Variants in FBXO10 observed in about 807,000 individuals in gnomAD.
FBXO10 encodes the protein F-box protein 10.
Under a neutral mutation model 80.7 loss-of-function variants are expected in FBXO10, and 39 were observed. That is an observed-to-expected ratio of 0.48 (90% CI 0.37 to 0.63). The LOEUF is 0.63. FBXO10 is among the 30% of genes least tolerant of loss of function. The pLI is 0.00. For synonymous variants in FBXO10, 449 were observed against 489.6 expected (o/e 0.92, Z 1.09); for missense variants, 1,025 against 1,269.0 (o/e 0.81, Z 2.92).
intron 1 of FBXO10, among the ~76,000 whole-genome samples, chr9:37,561,804 G>GTT (rs1413356437): frequency 6.6e-6 from 1 of 152,204 alleles, no homozygotes; most frequent in Non-Finnish European, 1.5e-5. Flanking sequence ...AATAAAGCAG[G>GTT]TTAAGGGGTA....
chr9:37,553,936 A>AAAAAAAAAG (rs1554648219), intron 1 of FBXO10, among the ~76,000 whole-genome samples: 2 of 148,966 alleles, frequency 1.3e-5, no homozygotes, highest in African/African-American at 5.1e-5. Context: ...AAAAAAAAAA[A>AAAAAAAAAG]AAAGAAAGAA....
intron 8 of FBXO10, among the ~76,000 whole-genome samples, 175 bp downstream of exon 8, chr9:37,521,394 C>G (rs908820262): frequency 6.6e-6 from 1 of 150,950 alleles, no homozygotes; most frequent in African/African-American, 2.4e-5. Context: ...TGCAACCCTC[C>G]AAGTGTGAAG....
intron 8 of FBXO10, among the ~76,000 whole-genome samples, chr9:37,519,829 T>C (rs1247204535): frequency 6.6e-6 from 1 of 152,098 alleles, no homozygotes; most frequent in Admixed American, 6.5e-5. Flanking sequence ...AATTTTATTT[T>C]GTTTTAGAGA....
rs548906150 is a variant in FBXO10 at position 37,522,933 on chromosome 9, G to A, written c.1822C>T (p.Arg608Cys). 16 of 1,590,332 alleles carry A rather than the reference G, an allele frequency of 1.0e-5. No individual in the cohort carries two copies. In the South Asian group the frequency reaches 1.0e-4, roughly 10 times the overall value. ...ENQWGGVDIR[R>C]GGIPVLRSNL... ...CTCCTGAGAACGGGGATCCCTCCACGGCGGATGTCCACACCTCCCCACTGA... is the reference window on the plus strand; with the variant it reads ...CTCCTGAGAACGGGGATCCCTCCACAGCGGATGTCCACACCTCCCCACTGA... Residue 608 changes from arginine (R) to cysteine (C), a missense_variant, in exon 7 of 11, where the codon CGT (arginine) becomes TGT (cysteine). Physicochemically the swap from Arg to Cys is radical, Grantham distance 180 (BLOSUM62 -3). Around this residue, in one of 3 missense-constraint regions of FBXO10, gnomAD observed 478 missense variants for 667.8 expected, o/e 0.72. Transcript: ENST00000432825.
intron 2 of FBXO10, among the ~76,000 whole-genome samples, chr9:37,538,904 C>T (rs1821849225): frequency 6.6e-6 from 1 of 152,112 alleles, no homozygotes; most frequent in African/African-American, 2.4e-5. Context: ...ACACAAGGAG[C>T]AGAGTGTCCT....
chr9:37,522,551 G>A, intron 7 of FBXO10: 1 of 1,228,872 alleles, frequency 8.1e-7, no homozygotes, highest in African/African-American at 1.5e-5. Flanking sequence ...AAATGGTCCT[G>A]TCCTTAAGAC....
At chr9:37,571,002 A>C (rs1822738792) in intron 1 of FBXO10, among the ~76,000 whole-genome samples, 2 of 152,092 alleles carry the variant, frequency 1.3e-5, no homozygotes, top group Non-Finnish European at 2.9e-5. Flanking sequence ...CAAAAAAAAA[A>C]AAAAAAATTA....
chr9:37,525,534 CAT>C (rs148741622), intron 5 of FBXO10, among the ~76,000 whole-genome samples: 1 of 152,204 alleles, frequency 6.6e-6, no homozygotes, highest in Non-Finnish European at 1.5e-5. Context: ...CTGTCATCTA[CAT>C]ATATACCCAT....
intron 10 of FBXO10, among the ~76,000 whole-genome samples, chr9:37,513,613 G>A (rs1285915377): frequency 1.3e-5 from 2 of 151,174 alleles, no homozygotes; most frequent in African/African-American, 2.4e-5. Context: ...TTTCCGAGAC[G>A]GAGTCTTGCT....
In FBXO10 at chr9:37,541,641, G is replaced by A. The variant is rs755003665; in HGVS notation, c.128C>T (p.Thr43Ile). ...WYELILSLDS[T>I]RWRQLCLGCT... is the part of the protein sequence containing the mutation. ...ACCCAGACACAGCTGCCGCCAGCGG[G>A]TGCTGTCGAGACTGAGGATCAGTTC... The change falls in exon 2 of 11, where the codon ACC (threonine) becomes ATC (isoleucine). Residue 43 changes from threonine to isoleucine, a missense_variant. Coordinates refer to ENST00000432825, the MANE Select transcript of FBXO10 (RefSeq NM_012166.3). 8.7e-6 allele frequency: 14 copies of A among 1,613,838 alleles called. No homozygotes were observed. Among genetic ancestry groups the A allele is most frequent in the Admixed American group, 1.7e-5 (1 of 60,002 alleles).
chr9:37,534,810 A>G (rs1219439288), intron 3 of FBXO10, among the ~76,000 whole-genome samples: 1 of 152,182 alleles, frequency 6.6e-6, no homozygotes, highest in African/African-American at 2.4e-5. Context: ...GCACAGAGAA[A>G]CAGCGGGAAA....
intron 2 of FBXO10, among the ~76,000 whole-genome samples, chr9:37,540,625 T>A (rs1170420382): frequency 1.3e-5 from 2 of 152,216 alleles, no homozygotes; most frequent in Non-Finnish European, 2.9e-5. Context: ...CTTTGAACCA[T>A]CTTCTGGCTC....
intron 1 of FBXO10, among the ~76,000 whole-genome samples, chr9:37,557,533 G>C (rs548139659): frequency 2.6e-5 from 4 of 152,306 alleles, no homozygotes; most frequent in African/African-American, 7.2e-5. Context: ...TGCCTCACTT[G>C]AGAAGTAATT....
intron 1 of FBXO10, among the ~76,000 whole-genome samples, chr9:37,545,300 C>T (rs1337999678): frequency 6.6e-6 from 1 of 151,362 alleles, no homozygotes; most frequent in Non-Finnish European, 1.5e-5. Flanking sequence ...CCTCAGCCTC[C>T]TGAGTAGCTG....
At chr9:37,569,730 G>A (rs1368759928) in intron 1 of FBXO10, among the ~76,000 whole-genome samples, 1 of 152,144 alleles carries the variant, frequency 6.6e-6, no homozygotes, top group Non-Finnish European at 1.5e-5. Flanking sequence ...AGCTACCTGG[G>A]GAGACTGAAG....
At chr9:37,538,420 G>T (rs1000373670) in intron 2 of FBXO10, among the ~76,000 whole-genome samples, 6 of 152,154 alleles carry the variant, frequency 3.9e-5, no homozygotes, top group Admixed American at 1.3e-4. Flanking sequence ...TTAAAAGCAT[G>T]GGCTCTGCCA....
chr9:37,561,046 A>G (rs898448562), intron 1 of FBXO10, among the ~76,000 whole-genome samples: 14 of 152,186 alleles, frequency 9.2e-5, no homozygotes, highest in Non-Finnish European at 1.6e-4. Flanking sequence ...GGAGGCTGAG[A>G]CAGAAGAATG....
chr9:37,520,942 C>T (rs1351487539), intron 8 of FBXO10, among the ~76,000 whole-genome samples: 2 of 152,026 alleles, frequency 1.3e-5, no homozygotes, highest in African/African-American at 2.4e-5. Flanking sequence ...TAAATACAGT[C>T]GCGAGGCCTC....
intron 5 of FBXO10, among the ~76,000 whole-genome samples, chr9:37,525,917 G>A (rs1039464712): frequency 4.6e-5 from 7 of 152,086 alleles, no homozygotes; most frequent in South Asian, 2.1e-4. Context: ...ATGGGTTCTC[G>A]CTATGTTGCT....
Sources: allele counts gnomAD v4.1 joint callset (sites outside exome capture counted in the v4.1 genomes callset), GRCh38; gene constraint gnomAD v4.1.1; regional missense constraint gnomAD v4.1.1; transcripts MANE v1.5; gene names NCBI Gene and HGNC (gene_info 2026-07-23, HGNC 2026-07-21).